Variants in KCNJ6 observed in about 807,000 individuals in gnomAD.
The protein encoded by KCNJ6 is potassium inwardly rectifying channel subfamily J member 6, also known as G protein-activated inward rectifier potassium channel 2.
A neutral mutation model predicts 34.2 loss-of-function variants in KCNJ6; 9 were observed. That is an observed-to-expected ratio of 0.26 (90% CI 0.16 to 0.46). The LOEUF (loss-of-function observed/expected upper bound fraction) is 0.46. KCNJ6 is among the 20% of genes least tolerant of loss of function. The probability of loss-of-function intolerance (pLI) is 1.00; values close to 1 mark genes in which losing one functional copy is unlikely to be tolerated. For missense variants in KCNJ6, 236 were observed against 531.3 expected (o/e 0.44, Z 5.46); for synonymous variants, 196 against 207.1 (o/e 0.95, Z 0.46).
intron 3 of KCNJ6, among the ~76,000 whole-genome samples, chr21:37,666,940 T>C (rs2054516381): frequency 6.6e-6 from 1 of 150,986 alleles, no homozygotes; most frequent in Non-Finnish European, 1.5e-5. Context: ...GTTAAACAGA[T>C]GCTTGAAGGC....
At chr21:37,692,734 G>A (rs2123429524) in intron 3 of KCNJ6, among the ~76,000 whole-genome samples, 1 of 152,262 alleles carries the variant, frequency 6.6e-6, no homozygotes, top group Admixed American at 6.5e-5. Flanking sequence ...TTGACAATGT[G>A]ACATTCTCTA....
chr21:37,658,688 G>T (rs2054475184), intron 3 of KCNJ6, among the ~76,000 whole-genome samples: 1 of 152,224 alleles, frequency 6.6e-6, no homozygotes, highest in Non-Finnish European at 1.5e-5. Context: ...GAGGGGAAGG[G>T]ACGCTGAGGC....
At chr21:37,667,046 C>T (rs531029833) in intron 3 of KCNJ6, among the ~76,000 whole-genome samples, 13 of 150,346 alleles carry the variant, frequency 8.6e-5, no homozygotes, top group African/African-American at 3.2e-4. Context: ...CTAGGAAAAC[C>T]GGAGACCTTT....
At chr21:37,766,722 G>A (rs749061267) in intron 2 of KCNJ6, among the ~76,000 whole-genome samples, 7 of 152,138 alleles carry the variant, frequency 4.6e-5, no homozygotes, top group South Asian at 4.1e-4. Flanking sequence ...TCCCCAAACC[G>A]TGGGCCATGA....
intron 1 of KCNJ6, among the ~76,000 whole-genome samples, chr21:37,911,814 A>T (rs530448567): frequency 6.6e-6 from 1 of 152,318 alleles, no homozygotes; most frequent in South Asian, 2.1e-4. Flanking sequence ...TCAACATTAA[A>T]CCCTTGAGAA....
intron 2 of KCNJ6, among the ~76,000 whole-genome samples, chr21:37,728,760 T>C (rs1483931632): frequency 6.6e-6 from 1 of 152,114 alleles, no homozygotes; most frequent in East Asian, 1.9e-4. Context: ...AGAGAGACGC[T>C]TCCATTTTAT....
At chr21:37,886,048 C>T (rs78771722) in intron 1 of KCNJ6, among the ~76,000 whole-genome samples, 3,112 of 152,252 alleles carry the variant, frequency 0.02, 89 homozygotes, top group African/African-American at 0.069. Flanking sequence ...TTGCTTATTA[C>T]GGATCCAACA....
chr21:37,653,507 A>AGG (rs759547317), intron 3 of KCNJ6, among the ~76,000 whole-genome samples: 1 of 152,160 alleles, frequency 6.6e-6, no homozygotes, highest in Non-Finnish European at 1.5e-5. Flanking sequence ...AAAATACTCA[A>AGG]GGGGGGACGT....
intron 2 of KCNJ6, among the ~76,000 whole-genome samples, chr21:37,782,575 C>T (rs1039246227): frequency 1.3e-4 from 20 of 152,304 alleles, no homozygotes; most frequent in African/African-American, 4.6e-4. Flanking sequence ...CCACAACTCC[C>T]TCCACCCAGG....
chr21:37,631,756 A>G (rs2054334532), intron 3 of KCNJ6, among the ~76,000 whole-genome samples: 2 of 152,334 alleles, frequency 1.3e-5, no homozygotes, highest in South Asian at 4.1e-4. Flanking sequence ...CCGGAGGACC[A>G]GGAAAAGGTG....
At chr21:37,628,475 T>C (rs2054320397) in intron 3 of KCNJ6, among the ~76,000 whole-genome samples, 3 of 152,012 alleles carry the variant, frequency 2.0e-5, no homozygotes, top group Non-Finnish European at 1.5e-5. Flanking sequence ...TATAGGTCAG[T>C]TGAAATTATT....
chr21:37,752,470 G>A (rs2123484343), intron 2 of KCNJ6, among the ~76,000 whole-genome samples: 1 of 152,250 alleles, frequency 6.6e-6, no homozygotes, highest in East Asian at 1.9e-4. Flanking sequence ...GAAGCCAACA[G>A]CAGCAAAAGC....
intron 1 of KCNJ6, among the ~76,000 whole-genome samples, chr21:37,905,403 G>A (rs2055836665): frequency 6.6e-6 from 1 of 152,224 alleles, no homozygotes; most frequent in Admixed American, 6.5e-5. Flanking sequence ...GATTTCCATG[G>A]TGTGGTAGAC....
chr21:37,609,500 T>A lies in KCNJ6; in HGVS notation c.*15659A>T, dbSNP rs2054235108. 4 of 152,280 alleles carry A rather than the reference T, an allele frequency of 2.6e-5. No homozygotes were observed. In the South Asian group the frequency reaches 8.3e-4, roughly 32 times the overall value. 9.4% of individuals were successfully genotyped at this position (152,280 alleles called of 1,614,324 possible). On this transcript the variant is annotated 3_prime_UTR_variant, in exon 4 of 4. Transcript: ENST00000609713. ...AAATAGCTCACAGAACAACCCTATA[T>A]TTTACTGGGCCATAGTAAACATTTT...
chr21:37,859,650 G>T (rs2123600670), intron 1 of KCNJ6, among the ~76,000 whole-genome samples: 1 of 150,758 alleles, frequency 6.6e-6, no homozygotes, highest in Middle Eastern at 3.4e-3. Flanking sequence ...CAGTGGTAGG[G>T]ATAAAGTGAT....
At position 37,610,688 on chromosome 21, in the gene KCNJ6, A is replaced by G. The variant is rs2054239913; in HGVS notation, c.*14471T>C. On this transcript the variant is annotated 3_prime_UTR_variant, in exon 4 of 4. Transcript: ENST00000609713. ...ATTAAGCTAGAAATCAGTAACAGAAAGGTAGCTGGAAAATGCCAAAATACT... is the reference window on the plus strand; with the variant it reads ...ATTAAGCTAGAAATCAGTAACAGAAGGGTAGCTGGAAAATGCCAAAATACT... 6.6e-6 allele frequency: 1 copy of G among 152,080 alleles called. No homozygotes were observed. Among genetic ancestry groups the G allele is most frequent in the Admixed American group, 6.5e-5 (1 of 15,276 alleles). 9.4% of individuals were successfully genotyped at this position (152,080 alleles called of 1,614,324 possible). A position where few individuals can be genotyped will look rare whatever the true frequency, so the allele number is the denominator to read the frequency against.
At chr21:37,741,223 C>A (rs1232150892) in intron 2 of KCNJ6, among the ~76,000 whole-genome samples, 1 of 152,192 alleles carries the variant, frequency 6.6e-6, no homozygotes, top group Non-Finnish European at 1.5e-5. Flanking sequence ...TATCCCCATG[C>A]TGTCTGGACT....
intron 3 of KCNJ6, among the ~76,000 whole-genome samples, chr21:37,645,025 T>G (rs796731013): frequency 1.8e-4 from 25 of 138,598 alleles, no homozygotes; most frequent in African/African-American, 7.2e-4. Flanking sequence ...GGGTTTTTTT[T>G]TTTTTTTTTT....
chr21:37,838,560 C>T (rs969556916), intron 2 of KCNJ6, among the ~76,000 whole-genome samples: 3 of 152,146 alleles, frequency 2.0e-5, no homozygotes, highest in Non-Finnish European at 2.9e-5. Flanking sequence ...GAGAACGTGG[C>T]GAATTTGGAC....
Sources: allele counts gnomAD v4.1 joint callset (sites outside exome capture counted in the v4.1 genomes callset), GRCh38; gene constraint gnomAD v4.1.1; transcripts MANE v1.5; gene names NCBI Gene and HGNC (gene_info 2026-07-23, HGNC 2026-07-21).